The following ZDHHC7 variants were observed in gnomAD, a reference collection of about 807,000 sequenced individuals.
ZDHHC7 encodes the protein zDHHC palmitoyltransferase 7, also known as palmitoyltransferase ZDHHC7.
A neutral mutation model predicts 34.1 loss-of-function variants in ZDHHC7; 12 were observed. That is an observed-to-expected ratio of 0.35 (90% CI 0.23 to 0.57). ZDHHC7 has a LOEUF of 0.57. Ranked by LOEUF, ZDHHC7 falls within the 20% of genes least tolerant of loss-of-function variation. ZDHHC7 has a pLI of 0.84. For missense variants in ZDHHC7, 388 were observed against 402.7 expected, an observed-to-expected ratio of 0.96 and a Z score of 0.31; for synonymous variants, 185 against 155.4, an observed-to-expected ratio of 1.19 and a Z score of -1.42.
chr16:84,995,192 A>G (rs1483236151), intron 2 of ZDHHC7, among the ~76,000 whole-genome samples: 2 of 152,158 alleles, frequency 1.3e-5, no homozygotes, highest in Non-Finnish European at 2.9e-5. Context: ...TTCTACCCTA[A>G]TGGCCGATTT....
At chr16:84,996,748 G>A (rs1042570882) in intron 1 of ZDHHC7, among the ~76,000 whole-genome samples, 1 of 152,156 alleles carries the variant, frequency 6.6e-6, no homozygotes, top group African/African-American at 2.4e-5. Context: ...GAAAGTCCAG[G>A]CCAGGCGCGG....
chr16:85,001,552 GAGGAAGCT>G (rs1015640968), intron 1 of ZDHHC7, among the ~76,000 whole-genome samples: 37 of 152,080 alleles, frequency 2.4e-4, no homozygotes, highest in Non-Finnish European at 5.4e-4. Context: ...TAAGCAAGAG[GAGGAAGCT>G]AGAATGACCT....
At chr16:84,998,450 G>A (rs1437220030) in intron 1 of ZDHHC7, among the ~76,000 whole-genome samples, 1 of 152,140 alleles carries the variant, frequency 6.6e-6, no homozygotes, top group Non-Finnish European at 1.5e-5. Flanking sequence ...CCACGACAGT[G>A]CTTTTTCTGC....
In ZDHHC7 at chr16:84,976,278, A is replaced by G. The variant is rs1016203183; in HGVS notation, c.*65T>C. 1.9e-6 allele frequency: 3 copies of G among 1,591,768 alleles called. No individual in the cohort carries two copies. The highest frequency in any genetic ancestry group is 1.4e-5 in the African/African-American group (1 of 73,034). ...TGTTGGTCACAGATGAGCTGTTGATATCCTTCAGACCCCAAATAAATAACT... is the reference window on the plus strand; with the variant it reads ...TGTTGGTCACAGATGAGCTGTTGATGTCCTTCAGACCCCAAATAAATAACT... On this transcript the variant is annotated 3_prime_UTR_variant, in exon 8 of 8. Coordinates refer to ENST00000313732, the MANE Select transcript of ZDHHC7 (RefSeq NM_017740.3).
At chr16:84,998,255 C>A (rs1360265535) in intron 1 of ZDHHC7, among the ~76,000 whole-genome samples, 11 of 140,426 alleles carry the variant, frequency 7.8e-5, no homozygotes, top group African/African-American at 2.9e-4. Flanking sequence ...CAGAGCGAGA[C>A]TGTCTCAAAA....
chr16:84,984,040 A>C (rs2143590459), intron 3 of ZDHHC7, among the ~76,000 whole-genome samples: 2 of 149,814 alleles, frequency 1.3e-5, no homozygotes, highest in Admixed American at 1.3e-4. Flanking sequence ...TTTTTGTTGA[A>C]ACAGAGTTTT....
chr16:85,009,794 C>T (rs1012335759), intron 1 of ZDHHC7, among the ~76,000 whole-genome samples: 1 of 150,748 alleles, frequency 6.6e-6, no homozygotes, highest in African/African-American at 2.4e-5. Context: ...CTGCAAGCTC[C>T]GCCTCCCGGG....
rs1165711601 is a variant in ZDHHC7 at position 84,996,636 on chromosome 16, G to C, written c.-103-629C>G. On this transcript the variant is annotated intron_variant, in intron 1 of 7. Transcript: ENST00000313732. Reference sequence around the variant, plus strand: ...GATGTAGGGAAAACCCAACAAGAAGGTCAGATTCACTGTCAGACCTCCCTA... The same window carrying C: ...GATGTAGGGAAAACCCAACAAGAAGCTCAGATTCACTGTCAGACCTCCCTA... Among the ~76,000 whole-genome samples the C allele has an allele frequency of 2.6e-5, 4 of 152,228 alleles. No individual in the cohort carries two copies. The East Asian group carries it at 7.7e-4, about 29-fold the overall frequency.
intron 7 of ZDHHC7, 100 bp downstream of exon 7, chr16:84,976,995 C>G (rs998204483): frequency 5.2e-6 from 8 of 1,525,888 alleles, no homozygotes; most frequent in Non-Finnish European, 6.2e-6. Flanking sequence ...CCATTACGTT[C>G]CCGAGTCAGT....
the ZDHHC7 span, among the ~76,000 whole-genome samples, chr16:85,018,050 G>C: frequency 6.6e-6 from 1 of 152,034 alleles, no homozygotes; most frequent in Non-Finnish European, 1.5e-5. Context: ...AGTGTATATT[G>C]AGGTCCTAGG....
rs367925921 is a variant in ZDHHC7, at chr16:84,976,231, T to C, written c.*112A>G. ...AACTCTGCTTGCTGCAAGCAATTGG[T>C]TTGTGTAGGTTCCAGTTGCCCTGTT... On this transcript the variant is annotated 3_prime_UTR_variant, in exon 8 of 8. Coordinates refer to ENST00000313732, the MANE Select transcript of ZDHHC7 (RefSeq NM_017740.3). 1.7e-4 allele frequency: 233 copies of C among 1,351,984 alleles called. 1 individual carries two copies. In the East Asian group the frequency reaches 3.8e-3, roughly 22 times the overall value. The allele number at this position is 1,351,984 out of a possible 1,614,324, so 83.7% of individuals were successfully genotyped here. A position where few individuals can be genotyped will look rare whatever the true frequency, so the allele number is the denominator to read the frequency against.
chr16:85,002,689 A>G (rs2072668506), intron 1 of ZDHHC7, among the ~76,000 whole-genome samples: 1 of 152,070 alleles, frequency 6.6e-6, no homozygotes, highest in Admixed American at 6.6e-5. Context: ...ATCTGAATCA[A>G]GTGTGAATTT....
the ZDHHC7 span, among the ~76,000 whole-genome samples, chr16:85,021,434 C>A: frequency 7.6e-6 from 1 of 131,754 alleles, no homozygotes; most frequent in Non-Finnish European, 1.6e-5. Context: ...AAAAGCCAGG[C>A]GTGGTGGCTC....
chr16:84,998,597 G>T (rs2072613800), intron 1 of ZDHHC7, among the ~76,000 whole-genome samples: 1 of 152,074 alleles, frequency 6.6e-6, no homozygotes, highest in Non-Finnish European at 1.5e-5. Context: ...GCCTCCACCT[G>T]GGCCCGCTCT....
At chr16:84,985,952 C>CAAAAA (rs58315276) in intron 3 of ZDHHC7, among the ~76,000 whole-genome samples, 784 of 54,002 alleles carry the variant, frequency 0.015, 71 homozygotes, top group African/African-American at 0.05. Flanking sequence ...GAGACTGTCT[C>CAAAAA]AAAAAAAAAA....
chr16:84,990,959 G>T (rs1056057126), intron 2 of ZDHHC7, among the ~76,000 whole-genome samples: 2 of 152,146 alleles, frequency 1.3e-5, no homozygotes, highest in African/African-American at 2.4e-5. Context: ...CGGCAGCGTG[G>T]AGAGGAGCTC....
chr16:84,991,082 T>C (rs922594930), intron 2 of ZDHHC7, among the ~76,000 whole-genome samples: 1 of 152,222 alleles, frequency 6.6e-6, no homozygotes, highest in Non-Finnish European at 1.5e-5. Context: ...GCAAGCAGCA[T>C]GATGAAAGAA....
intron 1 of ZDHHC7, among the ~76,000 whole-genome samples, chr16:85,001,573 G>A (rs1034771705): frequency 1.3e-5 from 2 of 152,092 alleles, no homozygotes; most frequent in South Asian, 4.1e-4. Flanking sequence ...AATGACCTAA[G>A]TTTTTGGTTT....
intron 2 of ZDHHC7, among the ~76,000 whole-genome samples, chr16:84,991,826 G>T (rs538624469): frequency 6.6e-6 from 1 of 151,776 alleles, no homozygotes; most frequent in South Asian, 2.1e-4. Context: ...CCATTCTTTT[G>T]CAAGCCATCA....
Sources: gnomAD v4.1 joint callset for allele counts (sites outside exome capture counted in the v4.1 genomes callset) on GRCh38, gnomAD v4.1.1 for gene constraint, MANE v1.5 for transcripts, NCBI Gene and HGNC (gene_info 2026-07-23, HGNC 2026-07-21) for gene names.